AGBL4: variants seen among roughly 807,000 people sequenced by gnomAD.
The protein encoded by AGBL4 is cytosolic carboxypeptidase 6.
Under a neutral mutation model 66.4 loss-of-function variants are expected in AGBL4, and 58 were observed. The ratio of observed to expected loss-of-function variants is 0.87; its 90% confidence interval spans 0.71 to 1.09. The LOEUF (loss-of-function observed/expected upper bound fraction) is 1.09, where lower values mean the gene tolerates loss of function less well. Ranked by LOEUF, AGBL4 falls within the 50% of genes least tolerant of loss-of-function variation. AGBL4 has a pLI of 0.00. For synonymous variants in AGBL4, 234 were observed against 222.9 expected (o/e 1.05, Z -0.44); for missense variants, 579 against 631.0 (o/e 0.92, Z 0.88).
intron 6 of AGBL4, among the ~76,000 whole-genome samples, chr1:48,815,171 T>C (rs1646145557): frequency 2.6e-5 from 4 of 152,222 alleles, no homozygotes; most frequent in African/African-American, 7.2e-5. Flanking sequence ...ATTTTCCATA[T>C]ATTTTTTGGT....
In AGBL4 at chr1:48,767,722, G is replaced by A. The variant is rs545250511; in HGVS notation, c.634+99469C>T. On this transcript the variant is annotated intron_variant, in intron 6 of 13. Coordinates refer to ENST00000371839, the MANE Select transcript of AGBL4 (RefSeq NM_032785.4). ...TCTGTGCAACTACTCTAACCTTGAGGCCAAATAATCAGTTTTAGTGTAAAC... is the reference window on the plus strand; with the variant it reads ...TCTGTGCAACTACTCTAACCTTGAGACCAAATAATCAGTTTTAGTGTAAAC... Among the ~76,000 whole-genome samples, 26 of 152,288 alleles carry A rather than the reference G, an allele frequency of 1.7e-4. 1 individual carries two copies. The South Asian group carries it at 5.4e-3, about 32-fold the overall frequency.
intron 4 of AGBL4, among the ~76,000 whole-genome samples, chr1:49,136,072 C>T (rs928114736): frequency 2.6e-5 from 4 of 151,930 alleles, no homozygotes; most frequent in African/African-American, 9.7e-5. Context: ...ATATGGCATC[C>T]AAAACTGTAA....
chr1:48,611,232 T>C (rs1390579925), intron 9 of AGBL4, among the ~76,000 whole-genome samples: 3 of 152,198 alleles, frequency 2.0e-5, no homozygotes, highest in South Asian at 2.1e-4. Context: ...CACACCTCTG[T>C]GCTTCAATGA....
intron 3 of AGBL4, among the ~76,000 whole-genome samples, chr1:49,335,610 G>A (rs1349701546): frequency 6.6e-6 from 1 of 151,848 alleles, no homozygotes; most frequent in Admixed American, 6.6e-5. Flanking sequence ...CCGCCTCCCA[G>A]GTTCATGCCA....
rs558623864 is a variant in AGBL4, at chr1:49,172,149, C to T, written c.377+73621G>A. Among the ~76,000 whole-genome samples the T allele has an allele frequency of 4.6e-5, 7 of 152,242 alleles. No individual in the cohort carries two copies. The East Asian group carries it at 9.7e-4, about 21-fold the overall frequency. On this transcript the variant is annotated intron_variant, in intron 4 of 13. Coordinates refer to ENST00000371839, the MANE Select transcript of AGBL4 (RefSeq NM_032785.4). ...AGAACGAGTAACAAATTTCCAGATC[C>T]TTATGATCTAATAGAGGAGATGGAC...
At chr1:48,937,318 GTTA>G (rs1234341827) in intron 5 of AGBL4, among the ~76,000 whole-genome samples, 1 of 152,192 alleles carries the variant, frequency 6.6e-6, no homozygotes, top group Non-Finnish European at 1.5e-5. Flanking sequence ...ATTGGTGGGA[GTTA>G]TTATTATAAT....
chr1:49,483,674 G>A (rs1055456071), intron 3 of AGBL4, among the ~76,000 whole-genome samples: 5 of 151,840 alleles, frequency 3.3e-5, no homozygotes, highest in African/African-American at 1.2e-4. Context: ...ACCTCTCCAG[G>A]ACATAGAACT....
chr1:49,993,825 A>G (rs913978424), intron 1 of AGBL4, among the ~76,000 whole-genome samples: 2 of 152,182 alleles, frequency 1.3e-5, no homozygotes, highest in African/African-American at 4.8e-5. Context: ...AAGCATATAA[A>G]TGGAAGCAAG....
chr1:49,378,877 AG>A (rs1644529061), intron 3 of AGBL4, among the ~76,000 whole-genome samples: 1 of 152,098 alleles, frequency 6.6e-6, no homozygotes, highest in Non-Finnish European at 1.5e-5. Context: ...AGTAGCCCGA[AG>A]TATGTGTGGT....
chr1:49,005,510 A>G (rs3121519), intron 5 of AGBL4, among the ~76,000 whole-genome samples: 66,818 of 152,046 alleles, frequency 0.44, 16,941 homozygotes, highest in Non-Finnish European at 0.58. Context: ...TATCAGATTG[A>G]CTGTCCTGGA....
intron 4 of AGBL4, among the ~76,000 whole-genome samples, chr1:49,223,543 C>T (rs1160514550): frequency 6.6e-6 from 1 of 152,162 alleles, no homozygotes; most frequent in Admixed American, 6.6e-5. Context: ...AGACTAACTA[C>T]ATAATTTGTG....
rs528835490 is a variant in AGBL4 at position 49,366,098 on chromosome 1, A to G, written c.283-120234T>C. 9.3e-4 allele frequency among the ~76,000 whole-genome samples: 142 copies of G among 152,196 alleles called. 1 individual carries two copies. Among genetic ancestry groups the G allele is most frequent in the African/African-American group, 3.3e-3 (137 of 41,528 alleles). On this transcript the variant is annotated intron_variant, in intron 3 of 13. Transcript: ENST00000371839. ...CTTCTCCAGCAGCAATGATAATTCA[A>G]CTCAACTTTCAATGCTTAAGAAAAA...
intron 3 of AGBL4, among the ~76,000 whole-genome samples, chr1:49,385,685 A>C (rs1278694924): frequency 6.6e-6 from 1 of 152,072 alleles, no homozygotes; most frequent in Admixed American, 6.5e-5. Context: ...ATTATTCTTT[A>C]GCCTTAATAC....
intron 3 of AGBL4, among the ~76,000 whole-genome samples, chr1:49,626,922 A>T (rs558148223): frequency 6.6e-6 from 1 of 152,320 alleles, no homozygotes; most frequent in East Asian, 1.9e-4. Context: ...GCACTAACAT[A>T]GATTTACAAA....
Position 49,380,570 on chromosome 1 carries a change from C to T in AGBL4, c.283-134706G>A, listed in dbSNP as rs1644579877. 4.6e-5 allele frequency among the ~76,000 whole-genome samples: 7 copies of T among 152,168 alleles called. No homozygotes were observed. In the South Asian group the frequency reaches 1.5e-3, roughly 32 times the overall value. ...TAAGCCAAAAGAACAAAGCTGGAGGCATCACGCTACCTGACTTCAAACTAT... is the reference window on the plus strand; with the variant it reads ...TAAGCCAAAAGAACAAAGCTGGAGGTATCACGCTACCTGACTTCAAACTAT... On this transcript the variant is annotated intron_variant, in intron 3 of 13. Transcript: ENST00000371839.
chr1:48,531,207 TTCTC>T (rs59031219), downstream of AGBL4, among the ~76,000 whole-genome samples: 2 of 150,020 alleles, frequency 1.3e-5, no homozygotes, highest in Non-Finnish European at 1.5e-5. Context: ...GCTTTTTTTT[TTCTC>T]TCTCTCTCTC....
intron 2 of AGBL4, among the ~76,000 whole-genome samples, chr1:49,717,728 G>C (rs1648264869): frequency 6.6e-6 from 1 of 151,872 alleles, no homozygotes; most frequent in South Asian, 2.1e-4. Context: ...TTTGTTTATT[G>C]TTATATCGGC....
At chr1:49,201,178 C>T (rs1365108505) in intron 4 of AGBL4, among the ~76,000 whole-genome samples, 1 of 152,136 alleles carries the variant, frequency 6.6e-6, no homozygotes, top group Non-Finnish European at 1.5e-5. Flanking sequence ...ACTTTTGAAC[C>T]TTTATCCCCT....
chr1:49,654,577 T>C lies in AGBL4; in HGVS notation c.282+42736A>G, dbSNP rs543428518. On this transcript the variant is annotated intron_variant, in intron 3 of 13. Coordinates refer to ENST00000371839, the MANE Select transcript of AGBL4 (RefSeq NM_032785.4). ...GAGTCTAAGTCTCTTTGTAGGTCTC[T>C]AAGGACTTGCTTTATGAATCTGGGT... 5.3e-5 allele frequency among the ~76,000 whole-genome samples: 8 copies of C among 152,312 alleles called. No homozygotes were observed. The South Asian group carries it at 1.7e-3, about 32-fold the overall frequency.
Sources: allele counts gnomAD v4.1 joint callset (sites outside exome capture counted in the v4.1 genomes callset), GRCh38; gene constraint gnomAD v4.1.1; transcripts MANE v1.5; gene names NCBI Gene and HGNC (gene_info 2026-07-23, HGNC 2026-07-21).